GREM2: variants seen among roughly 807,000 people sequenced by gnomAD.
The protein encoded by GREM2 is gremlin-2.
In GREM2, 11 loss-of-function variants were observed where a neutral mutation model predicts 14.2. The ratio of observed to expected loss-of-function variants is 0.78; its 90% CI spans 0.49 to 1.28. The LOEUF is 1.28. Among genes scored for constraint, GREM2 ranks in the 50% most tolerant of loss-of-function variants. The pLI is 0.00. For missense variants in GREM2, 210 were observed against 218.5 expected (o/e 0.96, Z 0.24); for synonymous variants, 98 against 97.6 (o/e 1.00, Z -0.02).
chr1:240,510,629 C>T lies in GREM2; in HGVS notation c.-1-17153G>A, dbSNP rs188854956. Among the ~76,000 whole-genome samples, 4 of 152,186 alleles carry T rather than the reference C, an allele frequency of 2.6e-5. No homozygotes were observed. The East Asian group carries it at 5.8e-4, about 22-fold the overall frequency. On this transcript the variant is annotated intron_variant, in intron 1 of 1. Transcript: ENST00000318160. ...ACCTAAGATTGTTAATGTTACGTTA[C>T]GTGAGTTTCACCTCAATTAAAAGAA...
chr1:240,595,948 A>G (rs997551878), intron 1 of GREM2, among the ~76,000 whole-genome samples: 1 of 152,204 alleles, frequency 6.6e-6, no homozygotes, highest in African/African-American at 2.4e-5. Context: ...GAACGAGGAT[A>G]ACAATGCAAT....
chr1:240,601,255 CTGAT>C (rs1181709944), intron 1 of GREM2, among the ~76,000 whole-genome samples: 2 of 152,156 alleles, frequency 1.3e-5, no homozygotes, highest in African/African-American at 2.4e-5. Context: ...ATGAGGATTA[CTGAT>C]ACAAAGTGAT....
At chr1:240,590,772 CT>C (rs35975319) in intron 1 of GREM2, 69 of 143,618 alleles carry the variant, frequency 4.8e-4, no homozygotes, top group East Asian at 1.0e-3. Context: ...GTCTCATGAC[CT>C]TTTTTTTTTT....
intron 1 of GREM2, among the ~76,000 whole-genome samples, chr1:240,532,676 GATAGATAGATAT>G (rs199743794): frequency 0.042 from 5,964 of 142,492 alleles, 118 homozygotes; most frequent in Admixed American, 0.053. Flanking sequence ...TAGATAGATA[GATAGATAGATAT>G]ATGGCAAGAA....
rs1643030813 is a variant in GREM2 at position 240,540,655 on chromosome 1, TG to T, written c.-1-47180del. ...TAGACTTACAGCAACCTCTGCCTCC[TG>T]GGTTCAAGAGATTCTCCTGCCTCAG... On this transcript the variant is annotated intron_variant, in intron 1 of 1. Transcript: ENST00000318160. The surrounding 1 kb of genome is among the most constrained non-coding windows in gnomAD (Gnocchi z 4.2). 6.6e-6 allele frequency among the ~76,000 whole-genome samples: 1 copy of T among 152,032 alleles called. No homozygotes were observed. Among genetic ancestry groups the T allele is most frequent in the African/African-American group, 2.4e-5 (1 of 41,440 alleles).
intron 1 of GREM2, among the ~76,000 whole-genome samples, chr1:240,549,132 T>G (rs1012848533): frequency 6.6e-6 from 1 of 151,884 alleles, no homozygotes; most frequent in Non-Finnish European, 1.5e-5. Flanking sequence ...GGTCGGGAGT[T>G]CAAAACCAGC....
At chr1:240,493,592 G>T in intron 1 of GREM2, 116 bp from the exon 2 acceptor site, 2 of 1,237,192 alleles carry the variant, frequency 1.6e-6, no homozygotes, top group Non-Finnish European at 2.2e-6. Flanking sequence ...AGGCTGGAGT[G>T]CAGGGGCACG....
chr1:240,596,750 G>A (rs950709356), intron 1 of GREM2, among the ~76,000 whole-genome samples: 2 of 151,696 alleles, frequency 1.3e-5, no homozygotes, highest in African/African-American at 4.8e-5. Context: ...ATCTCAGGCT[G>A]TTGAGAGCAG....
chr1:240,566,287 C>A, intron 1 of GREM2, among the ~76,000 whole-genome samples: 1 of 152,104 alleles, frequency 6.6e-6, no homozygotes, highest in East Asian at 1.9e-4. Flanking sequence ...AATGCCAATA[C>A]CCAGGCTAAA....
intron 1 of GREM2, among the ~76,000 whole-genome samples, chr1:240,525,566 C>T (rs1678202005): frequency 6.6e-6 from 1 of 152,068 alleles, no homozygotes; most frequent in South Asian, 2.1e-4. Context: ...GCAACCTCCG[C>T]CTCCCGGGTT....
chr1:240,527,119 T>C (rs1157191282), intron 1 of GREM2, among the ~76,000 whole-genome samples: 1 of 152,212 alleles, frequency 6.6e-6, no homozygotes, highest in Non-Finnish European at 1.5e-5. Flanking sequence ...TCAATGTCAG[T>C]AATTTGTATC....
At chr1:240,499,522 T>C (rs1465169616) in intron 1 of GREM2, among the ~76,000 whole-genome samples, 3 of 152,200 alleles carry the variant, frequency 2.0e-5, no homozygotes, top group Non-Finnish European at 4.4e-5. Flanking sequence ...TCAGAGGTCA[T>C]TTTTATGAGG....
chr1:240,594,973 C>A (rs988242447), intron 1 of GREM2, among the ~76,000 whole-genome samples: 5 of 152,142 alleles, frequency 3.3e-5, no homozygotes, highest in African/African-American at 1.2e-4. Flanking sequence ...CCATTATAAT[C>A]TTATGGGACC....
chr1:240,522,777 A>G (rs1678132335), intron 1 of GREM2, among the ~76,000 whole-genome samples: 1 of 152,212 alleles, frequency 6.6e-6, no homozygotes, highest in Admixed American at 6.5e-5. Context: ...CCAGGAAAGA[A>G]CACTTCATCT....
At chr1:240,549,944 G>A (rs1678811561) in intron 1 of GREM2, 1 of 152,312 alleles carries the variant, frequency 6.6e-6, no homozygotes. Flanking sequence ...AATAGGAGTA[G>A]AAAGGATGGA....
At chr1:240,600,797 T>C (rs1679907717) in intron 1 of GREM2, among the ~76,000 whole-genome samples, 1 of 152,110 alleles carries the variant, frequency 6.6e-6, no homozygotes, top group Non-Finnish European at 1.5e-5. Flanking sequence ...TTTTTATTGC[T>C]GACATGCATG....
chr1:240,532,185 G>A (rs1678376316), intron 1 of GREM2, among the ~76,000 whole-genome samples: 1 of 152,010 alleles, frequency 6.6e-6, no homozygotes, highest in South Asian at 2.1e-4. Context: ...CCAGGTTCAA[G>A]TGATTCTCCT....
intron 1 of GREM2, among the ~76,000 whole-genome samples, chr1:240,611,214 GGAACT>G (rs1245261118): frequency 6.6e-6 from 1 of 152,034 alleles, no homozygotes; most frequent in Non-Finnish European, 1.5e-5. Flanking sequence ...GTGAGATCCT[GGAACT>G]GAACGTGCCT....
At chr1:240,512,981 C>T (rs185801318) in intron 1 of GREM2, among the ~76,000 whole-genome samples, 48 of 152,290 alleles carry the variant, frequency 3.2e-4, no homozygotes, top group Admixed American at 2.2e-3. Flanking sequence ...AGGAATACAG[C>T]AGATATGATC....
Sources: gnomAD v4.1 joint callset for allele counts (sites outside exome capture counted in the v4.1 genomes callset) on GRCh38, gnomAD v4.1.1 for gene constraint, Gnocchi (gnomAD v3.1) non-coding constraint, MANE v1.5 for transcripts, NCBI Gene and HGNC (gene_info 2026-07-23, HGNC 2026-07-21) for gene names.